Variants in KCTD8 observed in about 807,000 individuals in gnomAD.
KCTD8 encodes BTB/POZ domain-containing protein KCTD8.
KCTD8 carries 27 observed loss-of-function variants against 31.5 expected under a neutral mutation model. That is an observed-to-expected ratio of 0.86 (90% CI 0.63 to 1.18). The LOEUF is 1.18. KCTD8 is among the 50% of genes most tolerant of loss of function. The pLI, the probability that KCTD8 is intolerant of heterozygous loss-of-function variation, is 0.00. For missense variants in KCTD8, 658 were observed against 647.7 expected, an observed-to-expected ratio of 1.02 and a Z score of -0.17; for synonymous variants, 290 against 280.0, an observed-to-expected ratio of 1.04 and a Z score of -0.36.
chr4:44,192,063 T>C (rs1329213695), intron 1 of KCTD8, among the ~76,000 whole-genome samples: 1 of 152,186 alleles, frequency 6.6e-6, no homozygotes, highest in East Asian at 1.9e-4. Context: ...TTGTACTCTT[T>C]CCCTTTATTT....
intron 1 of KCTD8, among the ~76,000 whole-genome samples, chr4:44,367,300 C>T (rs922136263): frequency 6.6e-6 from 1 of 152,110 alleles, no homozygotes; most frequent in African/African-American, 2.4e-5. Context: ...CTTACTATTG[C>T]ACTACAAGGA....
chr4:44,247,121 C>T (rs1449747386), intron 1 of KCTD8, among the ~76,000 whole-genome samples: 3 of 151,958 alleles, frequency 2.0e-5, no homozygotes, highest in South Asian at 4.1e-4. Flanking sequence ...ACCACCTAAG[C>T]GGATCACACA....
intron 1 of KCTD8, among the ~76,000 whole-genome samples, chr4:44,375,130 T>A (rs1719887578): frequency 6.6e-6 from 1 of 152,144 alleles, no homozygotes; most frequent in African/African-American, 2.4e-5. Flanking sequence ...AAGCATTGTG[T>A]CAATTATTTC....
At chr4:44,286,692 C>G (rs1277357462) in intron 1 of KCTD8, among the ~76,000 whole-genome samples, 2 of 152,044 alleles carry the variant, frequency 1.3e-5, no homozygotes, top group Non-Finnish European at 2.9e-5. Context: ...GATAAGGAAC[C>G]TACTGGAGTG....
At chr4:44,239,919 T>G (rs1269213661) in intron 1 of KCTD8, among the ~76,000 whole-genome samples, 2 of 152,212 alleles carry the variant, frequency 1.3e-5, no homozygotes, top group Admixed American at 6.5e-5. Context: ...TCTCTTGGTC[T>G]TGAGAATACT....
At chr4:44,284,076 C>T (rs1716984845) in intron 1 of KCTD8, among the ~76,000 whole-genome samples, 1 of 152,064 alleles carries the variant, frequency 6.6e-6, no homozygotes, top group African/African-American at 2.4e-5. Context: ...AGATTCAATG[C>T]TATCCCCATC....
intron 1 of KCTD8, among the ~76,000 whole-genome samples, chr4:44,364,741 A>T (rs1719586037): frequency 6.6e-6 from 1 of 152,158 alleles, no homozygotes; most frequent in Admixed American, 6.6e-5. Flanking sequence ...TAAGCTAACA[A>T]GCCAAGAAAT....
chr4:44,442,432 C>A (rs1229164192), intron 1 of KCTD8, among the ~76,000 whole-genome samples: 1 of 151,834 alleles, frequency 6.6e-6, no homozygotes, highest in African/African-American at 2.4e-5. Flanking sequence ...ACTAAAAATA[C>A]AAAAATTAGC....
intron 1 of KCTD8, among the ~76,000 whole-genome samples, chr4:44,291,327 A>G (rs1488240119): frequency 6.6e-6 from 1 of 152,100 alleles, no homozygotes; most frequent in Non-Finnish European, 1.5e-5. Context: ...CCCAGAAATA[A>G]AGCCAGAAAC....
At chr4:44,297,470 T>C (rs1717469317) in intron 1 of KCTD8, among the ~76,000 whole-genome samples, 1 of 152,102 alleles carries the variant, frequency 6.6e-6, no homozygotes, top group Non-Finnish European at 1.5e-5. Context: ...AACCTATTAA[T>C]AAAATAGCAT....
chr4:44,381,475 T>C (rs1311911029), intron 1 of KCTD8, among the ~76,000 whole-genome samples: 2 of 152,122 alleles, frequency 1.3e-5, no homozygotes, highest in Non-Finnish European at 2.9e-5. Flanking sequence ...TGAAAAAAGA[T>C]ATTCCATGCA....
chr4:44,197,894 A>G (rs925200429), intron 1 of KCTD8, among the ~76,000 whole-genome samples: 7 of 152,236 alleles, frequency 4.6e-5, no homozygotes, highest in Non-Finnish European at 1.0e-4. Flanking sequence ...GTGAAACCCA[A>G]TCCAAGGAAT....
chr4:44,247,106 T>C (rs1715689408), intron 1 of KCTD8, among the ~76,000 whole-genome samples: 1 of 152,046 alleles, frequency 6.6e-6, no homozygotes, highest in Non-Finnish European at 1.5e-5. Flanking sequence ...CAGCTGGTCA[T>C]TGTCACCACC....
chr4:44,333,092 G>T (rs577332622), intron 1 of KCTD8, among the ~76,000 whole-genome samples: 1 of 152,146 alleles, frequency 6.6e-6, no homozygotes, highest in South Asian at 2.1e-4. Context: ...CTAATGGCCA[G>T]ATAACCAACT....
chr4:44,426,478 AAGAG>A (rs1307446825), intron 1 of KCTD8, among the ~76,000 whole-genome samples: 1 of 151,686 alleles, frequency 6.6e-6, no homozygotes, highest in Non-Finnish European at 1.5e-5. Context: ...GAAAAAGAGA[AAGAG>A]AGAGATAATA....
intron 1 of KCTD8, among the ~76,000 whole-genome samples, chr4:44,344,575 G>A (rs2109420475): frequency 1.3e-5 from 2 of 152,260 alleles, no homozygotes; most frequent in Middle Eastern, 6.8e-3. Flanking sequence ...TACAGGATTA[G>A]ATTTAGTTCC....
intron 1 of KCTD8, among the ~76,000 whole-genome samples, chr4:44,289,081 A>G (rs1290506718): frequency 2.0e-5 from 3 of 151,678 alleles, no homozygotes; most frequent in Non-Finnish European, 4.4e-5. Flanking sequence ...TTTAAAATAG[A>G]GATACTATCT....
At chr4:44,247,594 G>A (rs971475510) in intron 1 of KCTD8, among the ~76,000 whole-genome samples, 2 of 151,888 alleles carry the variant, frequency 1.3e-5, no homozygotes, top group African/African-American at 2.4e-5. Context: ...AACTGAAACA[G>A]TGTACCCATT....
At chr4:44,332,945 A>G (rs1487072727) in intron 1 of KCTD8, among the ~76,000 whole-genome samples, 1 of 152,040 alleles carries the variant, frequency 6.6e-6, no homozygotes, top group Non-Finnish European at 1.5e-5. Context: ...AAGGGCAGTC[A>G]CCCTCAGTTG....
Sources: gnomAD v4.1 joint callset for allele counts (sites outside exome capture counted in the v4.1 genomes callset) on GRCh38, gnomAD v4.1.1 for gene constraint, MANE v1.5 for transcripts, NCBI Gene and HGNC (gene_info 2026-07-23, HGNC 2026-07-21) for gene names.